SDK1: variants seen among roughly 807,000 people sequenced by gnomAD.
SDK1 encodes sidekick cell adhesion molecule 1.
A neutral mutation model predicts 245.5 loss-of-function variants in SDK1; 157 were observed. The observed-to-expected ratio is 0.64, with a 90% CI of 0.56 to 0.73. The LOEUF (loss-of-function observed/expected upper bound fraction) is 0.73, where lower values mean the gene tolerates loss of function less well. Ranked by LOEUF, SDK1 falls within the 30% of genes least tolerant of loss-of-function variation. SDK1 has a pLI of 0.00. For synonymous variants in SDK1, 1,647 were observed against 1,278.5 expected (o/e 1.29, Z -6.15); for missense variants, 3,583 against 3,002.3 (o/e 1.19, Z -4.52).
At chr7:3,962,256 G>C (rs760054738) in intron 8 of SDK1, among the ~76,000 whole-genome samples, 3 of 152,244 alleles carry the variant, frequency 2.0e-5, no homozygotes, top group African/African-American at 4.8e-5. Context: ...CCTGTGTCCT[G>C]TCCTCTGCCC....
rs148536842 is a variant in SDK1 at position 3,517,864 on chromosome 7, A to G, written c.299-101216A>G. 8.1e-4 allele frequency among the ~76,000 whole-genome samples: 123 copies of G among 152,280 alleles called. 1 individual carries two copies. Among genetic ancestry groups the G allele is most frequent in the African/African-American group, 2.8e-3 (118 of 41,572 alleles). On this transcript the variant is annotated intron_variant, in intron 1 of 44. Transcript: ENST00000404826. ...ATAGTTAAAATTGCTCTTTCTGGAA[A>G]ACAAATTCCTTTTTATTATGGTATC...
At position 3,906,475 on chromosome 7, in the gene SDK1, A is replaced by T. The variant is rs529988224; in HGVS notation, c.848-44448A>T. On this transcript the variant is annotated intron_variant, in intron 5 of 44. Transcript: ENST00000404826. ...TAATTGTTACATTCATGGAACGCTCATGCTCCCTGAACTGTGCCTTACCAT... is the reference window on the plus strand; with the variant it reads ...TAATTGTTACATTCATGGAACGCTCTTGCTCCCTGAACTGTGCCTTACCAT... Among the ~76,000 whole-genome samples, 3 of 151,976 alleles carry T rather than the reference A, an allele frequency of 2.0e-5. No individual in the cohort carries two copies. In the South Asian group the frequency reaches 6.3e-4, roughly 32 times the overall value.
At chr7:3,365,559 A>G (rs1349990008) in intron 1 of SDK1, among the ~76,000 whole-genome samples, 1 of 152,218 alleles carries the variant, frequency 6.6e-6, no homozygotes, top group East Asian at 1.9e-4. Flanking sequence ...TTTCTTAATG[A>G]TATCAACTTA....
At chr7:3,888,102 C>G (rs964224086) in intron 5 of SDK1, among the ~76,000 whole-genome samples, 1 of 152,200 alleles carries the variant, frequency 6.6e-6, no homozygotes, top group Non-Finnish European at 1.5e-5. Context: ...GTCAGCCTTA[C>G]TGAAACAAAT....
rs79128997 is a variant in SDK1, at chr7:3,762,927, A to G, written c.714-58523A>G. On this transcript the variant is annotated intron_variant, in intron 4 of 44. Transcript: ENST00000404826. ...ATGCTGATGTGTGCACAAGTCTACA[A>G]CATAACTGTGTTCTAGCCTCCTGGT... is the stretch of plus-strand genomic sequence containing the variant. Among the ~76,000 whole-genome samples the G allele has an allele frequency of 1.1e-3, 173 of 152,318 alleles. 1 individual carries two copies. Among genetic ancestry groups the G allele is most frequent in the African/African-American group, 4.0e-3 (167 of 41,576 alleles).
At chr7:4,079,742 C>A (rs1404845921) in intron 22 of SDK1, among the ~76,000 whole-genome samples, 158 bp downstream of exon 22, 2 of 152,166 alleles carry the variant, frequency 1.3e-5, no homozygotes, top group African/African-American at 2.4e-5. Flanking sequence ...GATACCAGGG[C>A]AGAATGTAGG....
At chr7:3,927,450 C>T (rs774339978) in intron 5 of SDK1, among the ~76,000 whole-genome samples, 2 of 152,084 alleles carry the variant, frequency 1.3e-5, no homozygotes, top group Admixed American at 6.6e-5. Context: ...TAAGCATAAC[C>T]CCTTTTCTCC....
At chr7:4,094,628 C>A (rs1319101489) in intron 22 of SDK1, among the ~76,000 whole-genome samples, 1 of 152,212 alleles carries the variant, frequency 6.6e-6, no homozygotes, top group East Asian at 1.9e-4. Flanking sequence ...AAGCAAAGGA[C>A]CGGGACCTCA....
At chr7:3,894,968 A>C (rs998068460) in intron 5 of SDK1, among the ~76,000 whole-genome samples, 1 of 152,112 alleles carries the variant, frequency 6.6e-6, no homozygotes, top group African/African-American at 2.4e-5. Flanking sequence ...GGTGTGAGCC[A>C]CTGAGCCCTG....
At chr7:3,779,649 G>T (rs953504850) in intron 4 of SDK1, among the ~76,000 whole-genome samples, 7 of 152,112 alleles carry the variant, frequency 4.6e-5, no homozygotes, top group African/African-American at 1.7e-4. Context: ...TTAAGATGAT[G>T]AGTCCGGGCG....
intron 1 of SDK1, among the ~76,000 whole-genome samples, chr7:3,318,883 C>T (rs1583675940): frequency 6.6e-6 from 1 of 152,178 alleles, no homozygotes; most frequent in East Asian, 1.9e-4. Context: ...AGGATGATTC[C>T]TTTTGTGATT....
At chr7:3,529,121 A>G (rs1783254873) in intron 1 of SDK1, among the ~76,000 whole-genome samples, 1 of 152,200 alleles carries the variant, frequency 6.6e-6, no homozygotes, top group South Asian at 2.1e-4. Flanking sequence ...GAAAGATTAA[A>G]AAGAACCTTG....
At chr7:3,652,829 G>C (rs796899455) in intron 4 of SDK1, among the ~76,000 whole-genome samples, 3 of 152,272 alleles carry the variant, frequency 2.0e-5, no homozygotes, top group African/African-American at 7.2e-5. Flanking sequence ...CAGAAGCGAG[G>C]GTCATGTTGA....
chr7:3,465,825 G>T (rs189481564), intron 1 of SDK1, among the ~76,000 whole-genome samples: 1 of 152,294 alleles, frequency 6.6e-6, no homozygotes, highest in Non-Finnish European at 1.5e-5. Context: ...CACCTTTTGG[G>T]TTGGCCATCA....
At chr7:3,550,128 A>G (rs1779353635) in intron 1 of SDK1, among the ~76,000 whole-genome samples, 1 of 152,172 alleles carries the variant, frequency 6.6e-6, no homozygotes, top group Non-Finnish European at 1.5e-5. Context: ...ATATTTCAAC[A>G]TATTAATATG....
chr7:3,339,664 C>G (rs934123942), intron 1 of SDK1, among the ~76,000 whole-genome samples: 3 of 151,936 alleles, frequency 2.0e-5, no homozygotes, highest in African/African-American at 2.4e-5. Context: ...ACGTCAGTCT[C>G]AAAGGAAAAT....
At chr7:3,524,821 G>A (rs915369965) in intron 1 of SDK1, among the ~76,000 whole-genome samples, 1 of 152,122 alleles carries the variant, frequency 6.6e-6, no homozygotes, top group Non-Finnish European at 1.5e-5. Flanking sequence ...AAAAAAAATT[G>A]GAGGGTCATC....
chr7:3,409,680 G>T (rs759695876), intron 1 of SDK1, among the ~76,000 whole-genome samples: 1 of 152,274 alleles, frequency 6.6e-6, no homozygotes, highest in Middle Eastern at 3.4e-3. Flanking sequence ...AGAGAAGAGC[G>T]TTGGGGATGG....
intron 1 of SDK1, among the ~76,000 whole-genome samples, chr7:3,405,211 G>C (rs1779018382): frequency 6.6e-6 from 1 of 151,910 alleles, no homozygotes; most frequent in Non-Finnish European, 1.5e-5. Flanking sequence ...ATCTTGGAAT[G>C]CTTTTCACAA....
Sources: allele counts gnomAD v4.1 joint callset (sites outside exome capture counted in the v4.1 genomes callset), GRCh38; gene constraint gnomAD v4.1.1; transcripts MANE v1.5; gene names NCBI Gene and HGNC (gene_info 2026-07-23, HGNC 2026-07-21).